TMEM138: variants seen among roughly 807,000 people sequenced by gnomAD.
The protein encoded by TMEM138 is transmembrane protein 138.
Under a neutral mutation model 18.1 loss-of-function variants are expected in TMEM138, and 9 were observed. That is an observed-to-expected ratio of 0.50 (90% confidence interval 0.30 to 0.87). The LOEUF (loss-of-function observed/expected upper bound fraction) is 0.87, where lower values mean the gene tolerates loss of function less well. TMEM138 is among the 40% of genes least tolerant of loss of function. TMEM138 has a pLI of 0.06. For missense variants in TMEM138, 189 were observed against 190.6 expected (o/e 0.99, Z 0.05); for synonymous variants, 79 against 74.8 (o/e 1.06, Z -0.29).
downstream of TMEM138, among the ~76,000 whole-genome samples, chr11:61,370,077 CAAAG>C (rs1590631167): frequency 1.3e-5 from 2 of 152,218 alleles, no homozygotes; most frequent in Non-Finnish European, 1.5e-5. Flanking sequence ...CAACACAAGT[CAAAG>C]AGAGAGTTCC....
At chr11:61,365,874 A>T (rs1858124938) in intron 2 of TMEM138, 171 bp from the exon 3 acceptor site, 1 of 743,704 alleles carries the variant, frequency 1.3e-6, no homozygotes, top group African/African-American at 1.8e-5. Flanking sequence ...AGGTAATTTT[A>T]GCTTCATGTC....
chr11:61,365,266 A>T (rs1194789215), intron 2 of TMEM138, among the ~76,000 whole-genome samples: 2 of 150,892 alleles, frequency 1.3e-5, no homozygotes, highest in Admixed American at 6.6e-5. Flanking sequence ...ACATAATTTT[A>T]TTTTTTTTTT....
At chr11:61,373,877 G>A (rs1407671610), downstream of TMEM138, among the ~76,000 whole-genome samples, 2 of 151,206 alleles carry the variant, frequency 1.3e-5, no homozygotes, top group African/African-American at 2.5e-5. Flanking sequence ...TCTCACTCTT[G>A]TCGTCCAGGC....
intron 2 of TMEM138, chr11:61,364,781 G>A (rs1033290646): frequency 3.4e-6 from 1 of 294,590 alleles, no homozygotes; most frequent in African/African-American, 2.2e-5. Context: ...TGTAATCGCA[G>A]TGATTCAGGA....
At chr11:61,374,004 G>A (rs7394502), downstream of TMEM138, among the ~76,000 whole-genome samples, 128,664 of 151,744 alleles carry the variant, frequency 0.85, 58,149 homozygotes, top group East Asian at 1. Flanking sequence ...CAACACACCC[G>A]GCTAATTTTT....
At chr11:61,362,661 C>T (rs190059614) in intron 1 of TMEM138, 2 of 152,180 alleles carry the variant, frequency 1.3e-5, no homozygotes, top group Admixed American at 6.5e-5. Flanking sequence ...AGGGGATCGT[C>T]GTACGTAGAG....
Position 61,367,988 on chromosome 11 carries a change from C to G in TMEM138, c.366C>G (p.Phe122Leu). 1.5e-5 allele frequency: 24 copies of G among 1,611,054 alleles called. No individual in the cohort carries two copies. The highest frequency in any genetic ancestry group is 1.9e-5 in the Non-Finnish European group (22 of 1,177,188). Residue 122 changes from phenylalanine to leucine, a missense_variant, in exon 4 of 5, where the codon TTC (phenylalanine) becomes TTG (leucine). By Grantham distance (22) the Phe-to-Leu change is conservative (BLOSUM62 0). Coordinates refer to ENST00000278826, the MANE Select transcript of TMEM138 (RefSeq NM_016464.5). ...ATGGACTTCAAATGCTGTTTGTATT[C>G]CAGAGACTAGGTAAGGACCAGAGCA... is the stretch of plus-strand genomic sequence containing the variant. ...WTDGLQMLFVFQRLAAVLYCY... is the reference protein window; with the variant it reads ...WTDGLQMLFVLQRLAAVLYCY...
At chr11:61,365,664 T>C (rs113457822) in intron 2 of TMEM138, 3,596 of 157,784 alleles carry the variant, frequency 0.023, 105 homozygotes, top group African/African-American at 0.073. Flanking sequence ...CCCAGGAAGT[T>C]GCTGCAGTGA....
downstream of TMEM138, among the ~76,000 whole-genome samples, chr11:61,373,359 G>T (rs751446922): frequency 1.3e-5 from 2 of 152,146 alleles, no homozygotes; most frequent in Non-Finnish European, 2.9e-5. Context: ...GATTAACAAG[G>T]TTTTCTTGAA....
At chr11:61,376,344 G>C (rs1858435348), downstream of TMEM138, among the ~76,000 whole-genome samples, 1 of 151,338 alleles carries the variant, frequency 6.6e-6, no homozygotes, top group South Asian at 2.1e-4. Context: ...GCAAGACTCT[G>C]TCTCAAAAAA....
Position 61,364,241 on chromosome 11 carries a change from TGCTCCAACAGG to T in TMEM138, c.-139-10_-139del. 1 of 853,866 alleles carries T rather than the reference TGCTCCAACAGG, an allele frequency of 1.2e-6. No homozygotes were observed. Among genetic ancestry groups the T allele is most frequent in the Admixed American group, 2.7e-5 (1 of 36,976 alleles). 52.9% of individuals were successfully genotyped at this position (853,866 alleles called of 1,614,324 possible). ...ACATTTCTAACCTTGCTTATCTTTT[TGCTCCAACAGG>T]TGCTTGCCTTAGAGCAAGGGAAACA... On this transcript the variant is annotated splice_acceptor_variant and splice_polypyrimidine_tract_variant and 5_prime_UTR_variant and intron_variant, in exon 2 of 5. Coordinates refer to ENST00000278826, the MANE Select transcript of TMEM138 (RefSeq NM_016464.5). LOFTEE classifies it low-confidence loss of function (5UTR_SPLICE).
intron 1 of TMEM138, 159 bp downstream of exon 1, chr11:61,362,579 G>A (rs1479270005): frequency 1.3e-5 from 2 of 152,264 alleles, no homozygotes; most frequent in Non-Finnish European, 2.9e-5. Flanking sequence ...AGGTACAAAG[G>A]GAAGGCGGCA....
rs192056545 is a variant in TMEM138, at chr11:61,364,368, G to A, written c.-23G>A. The stretch of plus-strand genomic sequence containing the variant: ...TGGGAACTGTGGGATGTGCCCTTGG[G>A]GGCCCGAGAAAACAGAAGGAAGATG... On this transcript the variant is annotated 5_prime_UTR_variant, in exon 2 of 5. Transcript: ENST00000278826. 1.2e-4 allele frequency: 197 copies of A among 1,613,100 alleles called. No individual in the cohort carries two copies. Among genetic ancestry groups the A allele is most frequent in the Middle Eastern group, 3.4e-4 (2 of 5,956 alleles).
chr11:61,375,938 A>G (rs1453605583), downstream of TMEM138, among the ~76,000 whole-genome samples: 3 of 152,186 alleles, frequency 2.0e-5, no homozygotes, highest in Non-Finnish European at 4.4e-5. Context: ...GGATCATGCA[A>G]TTCATAGGTA....
downstream of TMEM138, among the ~76,000 whole-genome samples, chr11:61,370,573 A>G (rs953040841): frequency 2.6e-5 from 4 of 152,174 alleles, no homozygotes; most frequent in Admixed American, 6.5e-5. Flanking sequence ...AAGCACTACA[A>G]ATTTTCAAGG....
intron 3 of TMEM138, chr11:61,367,330 T>C (rs547880930): frequency 1.3e-5 from 2 of 152,324 alleles, no homozygotes; most frequent in South Asian, 2.1e-4. Context: ...CTCAATTCAA[T>C]TGAACTCTAA....
At chr11:61,375,583 A>G (rs1264387323), downstream of TMEM138, among the ~76,000 whole-genome samples, 1 of 152,132 alleles carries the variant, frequency 6.6e-6, no homozygotes, top group African/African-American at 2.4e-5. Context: ...TCAGCCTCCC[A>G]AAGTGCTGGG....
In TMEM138 at chr11:61,365,266, A is replaced by AT. The variant is rs1009962801; in HGVS notation, c.128+761dup. On this transcript the variant is annotated intron_variant, in intron 2 of 4. Transcript: ENST00000278826. ...CTTGTTTCTATTAAAACATAATTTT[A>AT]TTTTTTTTTTTTTGAGATGGAGTCT... Among the ~76,000 whole-genome samples, 74 of 150,884 alleles carry AT rather than the reference A, an allele frequency of 4.9e-4. 1 individual carries two copies. Among genetic ancestry groups the AT allele is most frequent in the Middle Eastern group, 3.4e-3 (1 of 292 alleles).
At position 61,366,073 on chromosome 11, in the gene TMEM138, A is replaced by T; in HGVS notation, c.157A>T (p.Ile53Phe). Residue 53 changes from isoleucine (I) to phenylalanine (F), a missense_variant, in exon 3 of 5, where the codon ATC (isoleucine) becomes TTC (phenylalanine). Transcript: ENST00000278826. Reference protein sequence around the residue: ...IIQDIAVLFNIIIIFLMFFNT... With the variant: ...IIQDIAVLFNFIIIFLMFFNT... ...CCAGGATATTGCAGTCCTCTTCAAC[A>T]TCATCATCATTTTCCTCATGTTCTT... The T allele has an allele frequency of 1.2e-6, 2 of 1,613,532 alleles. No individual in the cohort carries two copies. Among genetic ancestry groups the T allele is most frequent in the Non-Finnish European group, 1.7e-6 (2 of 1,179,824 alleles).
Sources: gnomAD v4.1 joint callset for allele counts (sites outside exome capture counted in the v4.1 genomes callset) on GRCh38, gnomAD v4.1.1 for gene constraint, MANE v1.5 for transcripts, NCBI Gene and HGNC (gene_info 2026-07-23, HGNC 2026-07-21) for gene names.